PRKN: variants seen among roughly 807,000 people sequenced by gnomAD.
PRKN encodes parkin RBR E3 ubiquitin protein ligase.
Under a neutral mutation model 59.5 loss-of-function variants are expected in PRKN, and 56 were observed. That is an observed-to-expected ratio of 0.94 (90% CI 0.76 to 1.18). The LOEUF (loss-of-function observed/expected upper bound fraction) is 1.18, where lower values mean the gene tolerates loss of function less well. PRKN is among the 50% of genes most tolerant of loss of function. The pLI, the probability that PRKN is intolerant of heterozygous loss-of-function variation, is 0.00. For missense variants in PRKN, 657 were observed against 596.4 expected (o/e 1.10, Z -1.06); for synonymous variants, 250 against 222.1 (o/e 1.13, Z -1.12).
chr6:161,938,190 T>C (rs2128242381), intron 6 of PRKN, among the ~76,000 whole-genome samples: 1 of 152,284 alleles, frequency 6.6e-6, no homozygotes, highest in South Asian at 2.1e-4. Context: ...TTTGCATGGG[T>C]CCACAGAACA....
chr6:162,397,794 T>C (rs1401615683), intron 2 of PRKN, among the ~76,000 whole-genome samples: 1 of 152,104 alleles, frequency 6.6e-6, no homozygotes, highest in African/African-American at 2.4e-5. Flanking sequence ...CCTAGCACTT[T>C]GGGAGGCCAA....
chr6:161,587,612 A>G (rs533411952), intron 7 of PRKN, among the ~76,000 whole-genome samples: 1 of 152,332 alleles, frequency 6.6e-6, no homozygotes, highest in Admixed American at 6.5e-5. Context: ...AAGGCTATTT[A>G]AAGATGAGTT....
intron 6 of PRKN, among the ~76,000 whole-genome samples, chr6:161,843,690 T>G (rs1390453036): frequency 6.6e-6 from 1 of 152,302 alleles, no homozygotes; most frequent in East Asian, 1.9e-4. Flanking sequence ...CTTAGGAGGC[T>G]GAGGTAGAAA....
At chr6:161,351,450 G>T (rs1259814593) in intron 11 of PRKN, among the ~76,000 whole-genome samples, 2 of 151,348 alleles carry the variant, frequency 1.3e-5, no homozygotes, top group Non-Finnish European at 2.9e-5. Context: ...TCAGCCTCCC[G>T]AGTAGCTGGG....
At position 161,941,791 on chromosome 6, in the gene PRKN, G is replaced by GGA. The variant is rs1013718477; in HGVS notation, c.734+31509_734+31510dup. ...GCCCCCATGACATGCCCTGGGAGGA[G>GGA]GACAAGGAAACTTCCTGTTTCAATA... On this transcript the variant is annotated intron_variant, in intron 6 of 11. Coordinates refer to ENST00000366898, the MANE Select transcript of PRKN (RefSeq NM_004562.3). Among the ~76,000 whole-genome samples the GGA allele has an allele frequency of 8.9e-4, 135 of 152,236 alleles. 1 individual carries two copies. The highest frequency in any genetic ancestry group is 3.2e-3 in the African/African-American group (133 of 41,544).
intron 1 of PRKN, among the ~76,000 whole-genome samples, chr6:162,599,155 G>A (rs554272697): frequency 8.1e-4 from 124 of 152,160 alleles, no homozygotes; most frequent in African/African-American, 2.9e-3. Context: ...AGAAAAGCTG[G>A]CTCGGTGATA....
intron 9 of PRKN, among the ~76,000 whole-genome samples, chr6:161,507,771 A>G (rs569645): frequency 0.62 from 94,359 of 151,744 alleles, 29,852 homozygotes; most frequent in Middle Eastern, 0.75. Flanking sequence ...TACCCTCACT[A>G]AAACCTCCTT....
intron 6 of PRKN, among the ~76,000 whole-genome samples, chr6:161,892,950 C>T (rs1451399167): frequency 1.3e-5 from 2 of 152,206 alleles, no homozygotes; most frequent in Non-Finnish European, 2.9e-5. Context: ...TTAACCAATT[C>T]TCCTGCCTTG....
intron 2 of PRKN, among the ~76,000 whole-genome samples, chr6:162,343,734 T>C (rs1020673980): frequency 1.3e-5 from 2 of 152,166 alleles, no homozygotes; most frequent in African/African-American, 4.8e-5. Flanking sequence ...TGCTCACAAG[T>C]GTAGAAGACA....
At chr6:162,096,577 TG>T (rs1779742524) in intron 4 of PRKN, among the ~76,000 whole-genome samples, 1 of 152,138 alleles carries the variant, frequency 6.6e-6, no homozygotes, top group African/African-American at 2.4e-5. Flanking sequence ...AACTGAATCA[TG>T]GGGGTGGTTT....
chr6:162,446,080 A>G (rs1442202921), intron 1 of PRKN, among the ~76,000 whole-genome samples: 1 of 152,222 alleles, frequency 6.6e-6, no homozygotes, highest in Non-Finnish European at 1.5e-5. Flanking sequence ...ATACACTTTT[A>G]AGTCAATTTC....
At chr6:162,483,909 A>T (rs1487106997) in intron 1 of PRKN, among the ~76,000 whole-genome samples, 2 of 152,214 alleles carry the variant, frequency 1.3e-5, no homozygotes. Flanking sequence ...TAAGTTAAAT[A>T]CCTTGTGTTC....
intron 2 of PRKN, among the ~76,000 whole-genome samples, chr6:162,339,242 GT>G (rs1458123945): frequency 4.9e-4 from 67 of 136,142 alleles, no homozygotes; most frequent in Middle Eastern, 4.2e-3. Flanking sequence ...GAGGGAGGTG[GT>G]GGGGGTCAGC....
chr6:162,185,987 A>G lies in PRKN; in HGVS notation c.534+15144T>C, dbSNP rs911071911. 2.6e-5 allele frequency among the ~76,000 whole-genome samples: 4 copies of G among 152,106 alleles called. No individual in the cohort carries two copies. In the East Asian group the frequency reaches 5.8e-4, roughly 22 times the overall value. On this transcript the variant is annotated intron_variant, in intron 4 of 11. Transcript: ENST00000366898. The stretch of plus-strand genomic sequence containing the variant: ...ATCTTTAGATTTTTTTTTTCAAAAC[A>G]TGTGGTTTGAGAGCCCACCTCACAC...
In PRKN at chr6:161,637,725, A is replaced by C. The variant is rs554229641; in HGVS notation, c.872-68309T>G. Among the ~76,000 whole-genome samples, 48 of 152,322 alleles carry C rather than the reference A, an allele frequency of 3.2e-4. 1 individual carries two copies. Among genetic ancestry groups the C allele is most frequent in the Admixed American group, 1.9e-3 (29 of 15,304 alleles). ...GCCTTTTATCCTTAAAAAAAAAAAA[A>C]AAAACTTACAGGTTGGTAAAAAGTT... On this transcript the variant is annotated intron_variant, in intron 7 of 11. Coordinates refer to ENST00000366898, the MANE Select transcript of PRKN (RefSeq NM_004562.3).
intron 7 of PRKN, among the ~76,000 whole-genome samples, chr6:161,611,014 C>T (rs1194920437): frequency 1.3e-5 from 2 of 152,062 alleles, no homozygotes; most frequent in Admixed American, 6.6e-5. Flanking sequence ...CAGCTGAAAA[C>T]TATCGATGCC....
At chr6:162,484,453 G>C (rs943594410) in intron 1 of PRKN, among the ~76,000 whole-genome samples, 10 of 152,114 alleles carry the variant, frequency 6.6e-5, no homozygotes, top group African/African-American at 2.4e-4. Flanking sequence ...CGGGGGAAGG[G>C]GACTCAGGCT....
At chr6:161,404,442 T>C (rs1787176541) in intron 9 of PRKN, among the ~76,000 whole-genome samples, 1 of 152,146 alleles carries the variant, frequency 6.6e-6, no homozygotes, top group Admixed American at 6.5e-5. Context: ...ACACTTTGTG[T>C]CTTGAAGGGT....
intron 3 of PRKN, among the ~76,000 whole-genome samples, chr6:162,251,052 C>T (rs1779413284): frequency 6.6e-6 from 1 of 152,074 alleles, no homozygotes; most frequent in African/African-American, 2.4e-5. Flanking sequence ...TTCATAATCT[C>T]CACTAGCTTT....
Sources: gnomAD v4.1 joint callset for allele counts (sites outside exome capture counted in the v4.1 genomes callset) on GRCh38, gnomAD v4.1.1 for gene constraint, MANE v1.5 for transcripts, NCBI Gene and HGNC (gene_info 2026-07-23, HGNC 2026-07-21) for gene names.